Variants in PDE10A observed in about 807,000 individuals in gnomAD.
PDE10A encodes the protein cAMP and cAMP-inhibited cGMP 3',5'-cyclic phosphodiesterase 10A.
PDE10A carries 39 observed loss-of-function variants against 97.7 expected under a neutral mutation model. The observed-to-expected ratio is 0.40, with a 90% confidence interval of 0.31 to 0.52. The LOEUF is 0.52. Ranked by LOEUF, PDE10A falls within the 20% of genes least tolerant of loss-of-function variation. The pLI is 0.56. For synonymous variants in PDE10A, 371 were observed against 376.8 expected, an observed-to-expected ratio of 0.98 and a Z score of 0.18; for missense variants, 731 against 1,047.8, an observed-to-expected ratio of 0.70 and a Z score of 4.17.
intron 1 of PDE10A, among the ~76,000 whole-genome samples, chr6:165,722,292 G>C (rs558611662): frequency 8.5e-5 from 13 of 152,162 alleles, no homozygotes; most frequent in Non-Finnish European, 1.5e-4. Flanking sequence ...GCACTGCTCC[G>C]TGTGTTTATA....
chr6:165,748,721 A>C (rs1189687269), intron 1 of PDE10A, among the ~76,000 whole-genome samples: 14 of 152,222 alleles, frequency 9.2e-5, no homozygotes, highest in Non-Finnish European at 1.5e-4. Context: ...GCCTCACAGC[A>C]TAAAATCAGG....
intron 11 of PDE10A, among the ~76,000 whole-genome samples, chr6:165,417,547 T>C (rs1788406178): frequency 6.6e-6 from 1 of 152,208 alleles, no homozygotes; most frequent in Non-Finnish European, 1.5e-5. Context: ...ATGCCAACAG[T>C]GTTAGGAAAC....
chr6:165,765,029 G>C (rs918118180), intron 1 of PDE10A, among the ~76,000 whole-genome samples: 47 of 152,256 alleles, frequency 3.1e-4, no homozygotes, highest in African/African-American at 1.1e-3. Context: ...GGTTCTCCAA[G>C]GCCCCACCAG....
chr6:165,910,343 T>C (rs1024809995), intron 1 of PDE10A, among the ~76,000 whole-genome samples: 3 of 152,150 alleles, frequency 2.0e-5, no homozygotes, highest in Non-Finnish European at 4.4e-5. Flanking sequence ...TCCAACTCCC[T>C]CCCTGACGAA....
At chr6:165,921,479 T>C (rs1378993326) in intron 1 of PDE10A, among the ~76,000 whole-genome samples, 2 of 152,170 alleles carry the variant, frequency 1.3e-5, no homozygotes, top group Non-Finnish European at 2.9e-5. Flanking sequence ...TTTAGAATCA[T>C]TTGATGTGTT....
chr6:165,573,817 C>T (rs1235610921), intron 1 of PDE10A, among the ~76,000 whole-genome samples: 2 of 152,140 alleles, frequency 1.3e-5, no homozygotes, highest in East Asian at 1.9e-4. Context: ...GTCTTTTCCC[C>T]TGCTCTGGCA....
intron 1 of PDE10A, among the ~76,000 whole-genome samples, chr6:165,615,015 G>C (rs1250363230): frequency 1.3e-5 from 2 of 151,930 alleles, no homozygotes; most frequent in Non-Finnish European, 2.9e-5. Flanking sequence ...TTTGAGACCA[G>C]CCTGGCCAAC....
chr6:165,418,828 T>A lies in PDE10A; in HGVS notation c.1654-51A>T. On this transcript the variant is annotated intron_variant, in intron 10 of 21. Coordinates refer to ENST00000539869, the MANE Select transcript of PDE10A (RefSeq NM_001385079.1). The surrounding 1 kb of genome is among the most constrained non-coding windows in gnomAD (Gnocchi z 4.8). Reference sequence around the variant, plus strand: ...GAAGACAATGAGACATTCAAAGAACTTGCAGGTAAACTTTATCATAAAATA... The same window carrying A: ...GAAGACAATGAGACATTCAAAGAACATGCAGGTAAACTTTATCATAAAATA... The A allele has an allele frequency of 6.7e-7, 1 of 1,494,654 alleles. No individual in the cohort carries two copies. Among genetic ancestry groups the A allele is most frequent in the South Asian group, 1.1e-5 (1 of 87,094 alleles). 92.6% of individuals were successfully genotyped at this position (1,494,654 alleles called of 1,614,324 possible).
At chr6:165,964,629 G>A (rs1031396502) in intron 1 of PDE10A, among the ~76,000 whole-genome samples, 4 of 152,148 alleles carry the variant, frequency 2.6e-5, no homozygotes, top group Non-Finnish European at 5.9e-5. Context: ...GAGCGTCCTA[G>A]GCACATGGGA....
intron 1 of PDE10A, among the ~76,000 whole-genome samples, chr6:165,826,465 C>T (rs2128470188): frequency 7.2e-6 from 1 of 138,596 alleles, no homozygotes; most frequent in East Asian, 2.0e-4. Context: ...CTCTCTGTCC[C>T]CATGTCCACC....
intron 11 of PDE10A, among the ~76,000 whole-genome samples, chr6:165,416,977 A>G (rs961781978): frequency 6.6e-6 from 1 of 151,458 alleles, no homozygotes; most frequent in Admixed American, 6.6e-5. Flanking sequence ...TCATTACTAT[A>G]CCATCATCAC....
intron 1 of PDE10A, among the ~76,000 whole-genome samples, chr6:165,606,167 A>G (rs185591888): frequency 0.018 from 2,803 of 151,558 alleles, 83 homozygotes; most frequent in African/African-American, 0.061. Context: ...AAAAAAAAAA[A>G]AACAGAAATA....
At chr6:165,916,133 G>A (rs1484423587) in intron 1 of PDE10A, among the ~76,000 whole-genome samples, 1 of 152,258 alleles carries the variant, frequency 6.6e-6, no homozygotes, top group Non-Finnish European at 1.5e-5. Flanking sequence ...AGTGTGTAAT[G>A]ATTCCATTTT....
intron 1 of PDE10A, among the ~76,000 whole-genome samples, chr6:165,802,934 T>C (rs958473950): frequency 5.9e-5 from 9 of 152,226 alleles, no homozygotes; most frequent in African/African-American, 2.2e-4. Flanking sequence ...ACTTGTACAC[T>C]TTTTCAGTTG....
intron 5 of PDE10A, among the ~76,000 whole-genome samples, chr6:165,441,651 T>C (rs1018055094): frequency 6.6e-6 from 1 of 152,176 alleles, no homozygotes; most frequent in Admixed American, 6.5e-5. Context: ...TCTGAAAAAG[T>C]ATAACGAGCA....
At chr6:165,906,831 G>A (rs1438087839) in intron 1 of PDE10A, among the ~76,000 whole-genome samples, 2 of 152,210 alleles carry the variant, frequency 1.3e-5, no homozygotes, top group Non-Finnish European at 2.9e-5. Context: ...GTTGCAAAAA[G>A]TAAAGAGACT....
intron 1 of PDE10A, among the ~76,000 whole-genome samples, chr6:165,581,491 G>C (rs1163770664): frequency 6.6e-6 from 1 of 152,144 alleles, no homozygotes; most frequent in Non-Finnish European, 1.5e-5. Context: ...GTCAACCAGG[G>C]AGAGGGCCCT....
intron 18 of PDE10A, among the ~76,000 whole-genome samples, chr6:165,344,319 T>G (rs1415491433): frequency 6.6e-6 from 1 of 152,212 alleles, no homozygotes; most frequent in Non-Finnish European, 1.5e-5. Context: ...AATAATTAAG[T>G]GGTAGTAATT....
At chr6:165,522,219 C>A (rs542559140) in intron 2 of PDE10A, among the ~76,000 whole-genome samples, 2 of 152,102 alleles carry the variant, frequency 1.3e-5, no homozygotes, top group South Asian at 4.2e-4. Flanking sequence ...AACAGATGTA[C>A]AAATAAGAGC....
Sources: allele counts gnomAD v4.1 joint callset (sites outside exome capture counted in the v4.1 genomes callset), GRCh38; gene constraint gnomAD v4.1.1; non-coding constraint Gnocchi (gnomAD v3.1); transcripts MANE v1.5; gene names NCBI Gene and HGNC (gene_info 2026-07-23, HGNC 2026-07-21).